The following TMPRSS15 variants were observed in gnomAD, a reference collection of about 807,000 sequenced individuals.
The protein encoded by TMPRSS15 is transmembrane serine protease 15.
Under a neutral mutation model 125.3 loss-of-function variants are expected in TMPRSS15, and 128 were observed. That is an observed-to-expected ratio of 1.02 (90% confidence interval 0.89 to 1.18). TMPRSS15 has a LOEUF of 1.18. Ranked by LOEUF, TMPRSS15 falls within the 50% of genes most tolerant of loss-of-function variation. The pLI, the probability that TMPRSS15 is intolerant of heterozygous loss-of-function variation, is 0.00. For synonymous variants in TMPRSS15, 446 were observed against 423.2 expected (o/e 1.05, Z -0.66); for missense variants, 1,283 against 1,212.7 (o/e 1.06, Z -0.86).
intron 24 of TMPRSS15, among the ~76,000 whole-genome samples, chr21:18,271,590 C>A (rs911848254): frequency 6.6e-6 from 1 of 151,954 alleles, no homozygotes; most frequent in African/African-American, 2.4e-5. Flanking sequence ...CCTTAATTTT[C>A]TTTTCTTTTC....
chr21:18,387,718 A>G (rs1003809515), intron 3 of TMPRSS15, among the ~76,000 whole-genome samples: 5 of 152,128 alleles, frequency 3.3e-5, no homozygotes, highest in African/African-American at 1.2e-4. Context: ...TGTGAAAGTA[A>G]GAGAAAATAG....
At chr21:18,364,367 A>G (rs537654553) in intron 7 of TMPRSS15, among the ~76,000 whole-genome samples, 102 of 152,290 alleles carry the variant, frequency 6.7e-4, no homozygotes, top group African/African-American at 2.3e-3. Context: ...GTATTTTAAC[A>G]AGAAAGTTTT....
chr21:18,477,947 G>T (rs1488227946), intron 1 of TMPRSS15, among the ~76,000 whole-genome samples: 1 of 151,956 alleles, frequency 6.6e-6, no homozygotes, highest in African/African-American at 2.4e-5. Flanking sequence ...TTAATCCCAA[G>T]AGTGAAGGGA....
chr21:18,457,788 A>C (rs189680698), intron 1 of TMPRSS15, among the ~76,000 whole-genome samples: 1,697 of 152,240 alleles, frequency 0.011, 30 homozygotes, highest in African/African-American at 0.039. Flanking sequence ...ATTTCTAAAA[A>C]CCACTAAAAA....
chr21:18,454,578 G>A (rs969863432), intron 1 of TMPRSS15, among the ~76,000 whole-genome samples: 4 of 152,094 alleles, frequency 2.6e-5, no homozygotes, highest in African/African-American at 9.7e-5. Context: ...AGCCAACGGT[G>A]TAACTCTTAG....
chr21:18,271,803 C>CCACT (rs1194496927), intron 24 of TMPRSS15, among the ~76,000 whole-genome samples: 1 of 151,778 alleles, frequency 6.6e-6, no homozygotes, highest in African/African-American at 2.4e-5. Flanking sequence ...TGTTCAACTC[C>CCACT]CACTCATGAG....
At position 18,315,264 on chromosome 21, in the gene TMPRSS15, G is replaced by A. The variant is rs372351802; in HGVS notation, c.1922-8C>T. 1 of 1,600,860 alleles carries A rather than the reference G, an allele frequency of 6.2e-7. No individual in the cohort carries two copies. Among genetic ancestry groups the A allele is most frequent in the African/African-American group, 1.3e-5 (1 of 74,672 alleles). Reference sequence around the variant, plus strand: ...GGTCTGCCTTGCATGGCTCTATGGGGAAAGAATGTTTATTGTATAGGATAA... The same window carrying A: ...GGTCTGCCTTGCATGGCTCTATGGGAAAAGAATGTTTATTGTATAGGATAA... On this transcript the variant is annotated splice_polypyrimidine_tract_variant and splice_region_variant and intron_variant, in intron 16 of 24. Transcript: ENST00000284885.
intron 12 of TMPRSS15, 117 bp downstream of exon 12, chr21:18,343,389 G>T: frequency 2.0e-6 from 2 of 977,038 alleles, no homozygotes; most frequent in Non-Finnish European, 1.5e-6. Context: ...TGGGCAAGTA[G>T]AGAAAGTGAC....
At chr21:18,298,378 T>C (rs1406445736) in intron 18 of TMPRSS15, among the ~76,000 whole-genome samples, 1 of 152,220 alleles carries the variant, frequency 6.6e-6, no homozygotes, top group African/African-American at 2.4e-5. Context: ...CAAGCCCTAA[T>C]TTAAAGGAAG....
At position 18,415,369 on chromosome 21, in the gene TMPRSS15, T is replaced by C. The variant is rs552317058; in HGVS notation, c.11-17040A>G. Among the ~76,000 whole-genome samples, 5 of 152,260 alleles carry C rather than the reference T, an allele frequency of 3.3e-5. 1 individual carries two copies. Among genetic ancestry groups the C allele is most frequent in the Admixed American group, 3.3e-4 (5 of 15,302 alleles). On this transcript the variant is annotated intron_variant, in intron 1 of 7. Transcript: ENST00000422787. The stretch of plus-strand genomic sequence containing the variant: ...CTTTTTAGTTTGACATAGTCCCACT[T>C]CTCTAGTTTTGCTTTTATGTTCTAT...
At chr21:18,346,386 T>A (rs555733825) in intron 10 of TMPRSS15, among the ~76,000 whole-genome samples, 2 of 152,252 alleles carry the variant, frequency 1.3e-5, no homozygotes, top group South Asian at 2.1e-4. Context: ...TTTTCTTTTT[T>A]AAAAAAATAA....
At chr21:18,432,502 G>T (rs2076218100) in intron 1 of TMPRSS15, among the ~76,000 whole-genome samples, 1 of 152,130 alleles carries the variant, frequency 6.6e-6, no homozygotes, top group South Asian at 2.1e-4. Context: ...ACATAATGGA[G>T]TAGGGTGGGC....
chr21:18,386,579 C>T (rs981064815), intron 3 of TMPRSS15, among the ~76,000 whole-genome samples: 2 of 152,130 alleles, frequency 1.3e-5, no homozygotes, highest in Admixed American at 6.6e-5. Context: ...TCCTCCTCTT[C>T]TTCCTTCTTC....
At chr21:18,317,702 TTG>T (rs952006854) in intron 16 of TMPRSS15, among the ~76,000 whole-genome samples, 9 of 151,354 alleles carry the variant, frequency 5.9e-5, no homozygotes, top group Non-Finnish European at 8.9e-5. Context: ...ATGTGTGTGT[TTG>T]TGTGTGTGTG....
chr21:18,440,385 A>AAAAAAAAAAAAG (rs2076238692), intron 1 of TMPRSS15, among the ~76,000 whole-genome samples: 1 of 141,482 alleles, frequency 7.1e-6, no homozygotes, highest in Non-Finnish European at 1.5e-5. Context: ...AAAAAAAAAA[A>AAAAAAAAAAAAG]AAAAGAAAAC....
At position 18,396,791 on chromosome 21, in the gene TMPRSS15, A is replaced by AAAATCT. The variant is rs547335576; in HGVS notation, c.344+1087_344+1088insAGATTT. 1.8e-3 allele frequency among the ~76,000 whole-genome samples: 103 copies of AAAATCT among 57,882 alleles called. 2 individuals are homozygous for AAAATCT. The Middle Eastern group carries it at 0.023, about 13-fold the overall frequency. 38.0% of individuals were successfully genotyped at this position (57,882 alleles called of 152,430 possible). On this transcript the variant is annotated intron_variant, in intron 3 of 24. Coordinates refer to ENST00000284885, the MANE Select transcript of TMPRSS15 (RefSeq NM_002772.3). The stretch of plus-strand genomic sequence containing the variant: ...TCTGTCTCAAAAAAAAAAAAAAAAA[A>AAAATCT]ATCTGTCTGTCTGTCTGTCTATCTA...
At chr21:18,422,645 G>A (rs1319678533) in intron 1 of TMPRSS15, among the ~76,000 whole-genome samples, 1 of 152,160 alleles carries the variant, frequency 6.6e-6, no homozygotes, top group Non-Finnish European at 1.5e-5. Context: ...ATGAGATGTG[G>A]AAACTGAGGC....
intron 3 of TMPRSS15, among the ~76,000 whole-genome samples, chr21:18,387,596 T>TAC (rs369654215): frequency 8.4e-4 from 112 of 132,884 alleles, no homozygotes; most frequent in Non-Finnish European, 2.5e-4. Flanking sequence ...GAAGAGTAGC[T>TAC]ACACACACAC....
intron 1 of TMPRSS15, among the ~76,000 whole-genome samples, chr21:18,458,192 A>G (rs1978479134): frequency 6.6e-6 from 1 of 152,186 alleles, no homozygotes; most frequent in African/African-American, 2.4e-5. Context: ...CTCAGACGCC[A>G]TCTGGAAGGA....
Sources: gnomAD v4.1 joint callset for allele counts (sites outside exome capture counted in the v4.1 genomes callset) on GRCh38, gnomAD v4.1.1 for gene constraint, MANE v1.5 for transcripts, NCBI Gene and HGNC (gene_info 2026-07-23, HGNC 2026-07-21) for gene names.